FSIP1: variants seen among roughly 807,000 people sequenced by gnomAD.
FSIP1 encodes fibrous sheath interacting protein 1, also known as fibrous sheath-interacting protein 1.
In FSIP1, 65 loss-of-function variants were observed where a neutral mutation model predicts 60.9. The observed-to-expected ratio is 1.07, with a 90% CI of 0.87 to 1.31. The LOEUF (loss-of-function observed/expected upper bound fraction) is 1.31. Among genes scored for constraint, FSIP1 ranks in the 40% most tolerant of loss-of-function variants. The pLI, the probability that FSIP1 is intolerant of heterozygous loss-of-function variation, is 0.00. For missense variants in FSIP1, 675 were observed against 665.5 expected (o/e 1.01, Z -0.16); for synonymous variants, 209 against 221.2 (o/e 0.94, Z 0.49).
chr15:39,705,132 T>C (rs1470662113), intron 10 of FSIP1, among the ~76,000 whole-genome samples: 1 of 152,210 alleles, frequency 6.6e-6, no homozygotes, highest in African/African-American at 2.4e-5. Flanking sequence ...TTCCTAACAA[T>C]ACTAATAAAA....
In FSIP1 at chr15:39,618,066, T is replaced by C; in HGVS notation, c.1368A>G (p.Ser456=). 1.2e-6 allele frequency: 2 copies of C among 1,614,208 alleles called. No individual in the cohort carries two copies. The highest frequency in any genetic ancestry group is 3.3e-5 in the Admixed American group (2 of 60,034). The change falls in exon 11 of 12, where the codon TCA becomes TCG. Residue 456 remains serine, a synonymous_variant. Coordinates refer to ENST00000350221, the MANE Select transcript of FSIP1 (RefSeq NM_152597.5). ...RSIISKLLNE[S]ETKVQKTEVE... is the part of the protein sequence containing the mutation. ...CCTCAGTTTTCTGGACCTTTGTTTC[T>C]GATTCATTTAGCAATTTAGAGATGA... is the stretch of plus-strand genomic sequence containing the variant.
At chr15:39,677,435 AG>A (rs1442963221) in intron 10 of FSIP1, among the ~76,000 whole-genome samples, 2 of 151,870 alleles carry the variant, frequency 1.3e-5, no homozygotes, top group African/African-American at 4.9e-5. Context: ...TTGTATCCCA[AG>A]GGTGTGATTC....
chr15:39,716,275 A>T (rs887429881), intron 9 of FSIP1, among the ~76,000 whole-genome samples: 6 of 152,226 alleles, frequency 3.9e-5, no homozygotes, highest in Non-Finnish European at 7.3e-5. Flanking sequence ...TTAAATTGAA[A>T]TTATTTTAAT....
chr15:39,715,442 T>A (rs953243981), intron 9 of FSIP1, among the ~76,000 whole-genome samples: 1 of 152,184 alleles, frequency 6.6e-6, no homozygotes, highest in African/African-American at 2.4e-5. Flanking sequence ...CAATGCAAAC[T>A]ATAATCCTGA....
intron 10 of FSIP1, among the ~76,000 whole-genome samples, chr15:39,684,687 G>A (rs1894294483): frequency 6.6e-6 from 1 of 152,156 alleles, no homozygotes; most frequent in Non-Finnish European, 1.5e-5. Context: ...CCTCTAGTAA[G>A]TGGCCTTAAC....
intron 10 of FSIP1, among the ~76,000 whole-genome samples, chr15:39,647,360 T>C (rs974967407): frequency 7.9e-5 from 12 of 152,246 alleles, no homozygotes; most frequent in African/African-American, 2.9e-4. Flanking sequence ...TCATGTTGTA[T>C]ACTTCAAATA....
chr15:39,744,013 T>C (rs576220658), intron 5 of FSIP1, among the ~76,000 whole-genome samples: 14 of 152,294 alleles, frequency 9.2e-5, no homozygotes, highest in Non-Finnish European at 1.3e-4. Flanking sequence ...AGAGGGACAA[T>C]TGGCAAAATC....
chr15:39,656,103 C>G (rs772307036), intron 10 of FSIP1, among the ~76,000 whole-genome samples: 2 of 151,932 alleles, frequency 1.3e-5, no homozygotes, highest in Non-Finnish European at 2.9e-5. Context: ...GGTTTGAACC[C>G]TAAAAAGATG....
intron 8 of FSIP1, among the ~76,000 whole-genome samples, chr15:39,736,835 T>C (rs533877807): frequency 2.0e-5 from 3 of 152,248 alleles, no homozygotes; most frequent in South Asian, 2.1e-4. Context: ...GAAGCTCAGC[T>C]TCAGTCTGAT....
chr15:39,770,691 C>G, intron 2 of FSIP1, 81 bp from the exon 3 acceptor site: 1 of 830,946 alleles, frequency 1.2e-6, no homozygotes, highest in Non-Finnish European at 1.8e-6. Flanking sequence ...TATTTTGACA[C>G]TAATGGAAGC....
At chr15:39,760,039 T>C (rs1897439923) in intron 5 of FSIP1, among the ~76,000 whole-genome samples, 1 of 152,106 alleles carries the variant, frequency 6.6e-6, no homozygotes, top group Non-Finnish European at 1.5e-5. Context: ...TTGCAATAAT[T>C]GACTAAGGAT....
intron 10 of FSIP1, among the ~76,000 whole-genome samples, chr15:39,676,604 G>GT (rs149334415): frequency 6.6e-6 from 1 of 152,022 alleles, no homozygotes; most frequent in Non-Finnish European, 1.5e-5. Flanking sequence ...CTAAAAATGA[G>GT]TTTTTTCCCC....
At position 39,618,126 on chromosome 15, in the gene FSIP1, G is replaced by A. The variant is rs773409261; in HGVS notation, c.1308C>T (p.Asp436=). The change falls in exon 11 of 12, where the codon GAC becomes GAT. Residue 436 remains aspartate (D), a synonymous_variant. Transcript: ENST00000350221. ...SSERKKEDIE[D]VTPVFPQLSR... ...AAAGCTGGGGGAACACAGGTGTTACGTCCTCAATGTCTTCCTTTTTTCTTT... is the reference window on the plus strand; with the variant it reads ...AAAGCTGGGGGAACACAGGTGTTACATCCTCAATGTCTTCCTTTTTTCTTT... 62 of 1,614,028 alleles carry A rather than the reference G, an allele frequency of 3.8e-5. No individual in the cohort carries two copies. Among genetic ancestry groups the A allele is most frequent in the Non-Finnish European group, 4.5e-5 (53 of 1,180,004 alleles).
At position 39,617,669 on chromosome 15, in the gene FSIP1, A is replaced by G; in HGVS notation, c.1699+66T>C. On this transcript the variant is annotated intron_variant, in intron 11 of 11. Transcript: ENST00000350221. Reference sequence around the variant, plus strand: ...TTCTTACCCGACTCTAATTTAAACCATAATACCTTTATATTGAGGTGCTTT... The same window carrying G: ...TTCTTACCCGACTCTAATTTAAACCGTAATACCTTTATATTGAGGTGCTTT... The G allele has an allele frequency of 2.2e-6, 3 of 1,380,166 alleles. 1 individual carries two copies. Among genetic ancestry groups the G allele is most frequent in the Non-Finnish European group, 3.0e-6 (3 of 1,000,872 alleles). 85.5% of individuals were successfully genotyped at this position (1,380,166 alleles called of 1,614,324 possible).
chr15:39,646,166 C>T (rs1052816140), intron 10 of FSIP1, among the ~76,000 whole-genome samples: 4 of 152,130 alleles, frequency 2.6e-5, no homozygotes, highest in African/African-American at 2.4e-5. Context: ...TAGCTGGAGA[C>T]GATGGGAAGA....
intron 9 of FSIP1, among the ~76,000 whole-genome samples, chr15:39,714,830 A>T (rs1895672680): frequency 1.3e-5 from 2 of 151,594 alleles, no homozygotes; most frequent in Admixed American, 1.3e-4. Context: ...AAAAATAATT[A>T]GCCAGACACG....
At chr15:39,742,578 C>A (rs1312411658) in intron 5 of FSIP1, among the ~76,000 whole-genome samples, 1 of 152,148 alleles carries the variant, frequency 6.6e-6, no homozygotes, top group South Asian at 2.1e-4. Context: ...AGGGAATCTG[C>A]CAGGTTGCAG....
chr15:39,632,086 G>A (rs770662288), intron 10 of FSIP1, among the ~76,000 whole-genome samples: 5 of 152,114 alleles, frequency 3.3e-5, no homozygotes, highest in Admixed American at 2.0e-4. Flanking sequence ...TCAATGTGGT[G>A]GTTGTCGGAA....
intron 2 of FSIP1, among the ~76,000 whole-genome samples, chr15:39,772,182 A>G (rs1163991890): frequency 6.6e-6 from 1 of 152,060 alleles, no homozygotes; most frequent in Non-Finnish European, 1.5e-5. Context: ...GTCTTCCCCA[A>G]CCCATTGCCC....
Sources: allele counts gnomAD v4.1 joint callset (sites outside exome capture counted in the v4.1 genomes callset), GRCh38; gene constraint gnomAD v4.1.1; transcripts MANE v1.5; gene names NCBI Gene and HGNC (gene_info 2026-07-23, HGNC 2026-07-21).